Variants in MMRN1 observed in about 807,000 individuals in gnomAD.
The protein encoded by MMRN1 is multimerin-1.
In MMRN1, 94 loss-of-function variants were observed where a neutral mutation model predicts 100.7. That is an observed-to-expected ratio of 0.93 (90% confidence interval 0.79 to 1.11). The LOEUF is 1.11. MMRN1 is among the 50% of genes least tolerant of loss of function. MMRN1 has a pLI of 0.00. For missense variants in MMRN1, 1,606 were observed against 1,439.1 expected (o/e 1.12, Z -1.88); for synonymous variants, 575 against 505.0 (o/e 1.14, Z -1.86).
In MMRN1 at chr4:89,951,650, C is replaced by T. The variant is rs754049453; in HGVS notation, c.3164C>T (p.Thr1055Met). 3 of 1,562,844 alleles carry T rather than the reference C, an allele frequency of 1.9e-6. No homozygotes were observed. The highest frequency in any genetic ancestry group is 2.6e-6 in the Non-Finnish European group (3 of 1,160,016). Reference sequence around the variant, plus strand: ...CGGCATCCGTGCCAAAATGGGGGCACGTGCATAAATGGAAGAACTAGCTTT... The same window carrying T: ...CGGCATCCGTGCCAAAATGGGGGCATGTGCATAAATGGAAGAACTAGCTTT... The part of the protein sequence containing the change: ...CSRHPCQNGG[T>M]CINGRTSFTC... Residue 1055 changes from threonine to methionine, a missense_variant, in exon 7 of 8, where the codon ACG becomes ATG. By Grantham distance (81) the Thr-to-Met change is moderately conservative. Transcript: ENST00000264790.
chr4:89,910,009 G>A (rs563342123), intron 2 of MMRN1, among the ~76,000 whole-genome samples: 3 of 151,310 alleles, frequency 2.0e-5, no homozygotes, highest in South Asian at 2.1e-4. Context: ...CTCAGCTGGG[G>A]GTGTTTCCAA....
intron 6 of MMRN1, among the ~76,000 whole-genome samples, chr4:89,944,340 T>C (rs1299011287): frequency 6.6e-6 from 1 of 152,200 alleles, no homozygotes; most frequent in Non-Finnish European, 1.5e-5. Context: ...TTGCCAAGTT[T>C]CTCTTCAGAG....
rs73831839 is a variant in MMRN1 at position 89,898,599 on chromosome 4, C to T, written c.623+3005C>T. Among the ~76,000 whole-genome samples the T allele has an allele frequency of 7.2e-3, 1,101 of 151,932 alleles. 14 individuals carry two copies. Among genetic ancestry groups the T allele is most frequent in the African/African-American group, 0.025 (1,051 of 41,426 alleles). On this transcript the variant is annotated intron_variant, in intron 1 of 7. Coordinates refer to ENST00000264790, the MANE Select transcript of MMRN1 (RefSeq NM_007351.3). ...ACACGATGCCATCCTAGATCTGCCT[C>T]CTGCCTACCTCCCCAACCTCATCTT...
intron 3 of MMRN1, among the ~76,000 whole-genome samples, chr4:89,916,237 G>T (rs1721911915): frequency 6.6e-6 from 1 of 151,498 alleles, no homozygotes; most frequent in Non-Finnish European, 1.5e-5. Context: ...AACAGCCTTG[G>T]CAGGGACTCC....
intron 3 of MMRN1, among the ~76,000 whole-genome samples, chr4:89,920,032 G>A (rs1424097298): frequency 6.6e-6 from 1 of 152,048 alleles, no homozygotes; most frequent in East Asian, 1.9e-4. Context: ...CTGAAAAATA[G>A]TTTTCAGATG....
chr4:89,889,495 T>C (rs935996869), intron 1 of MMRN1, among the ~76,000 whole-genome samples: 1 of 152,108 alleles, frequency 6.6e-6, no homozygotes, highest in African/African-American at 2.4e-5. Flanking sequence ...TTCAGTTCCC[T>C]GCCAGCCCAC....
At chr4:89,882,327 A>T (rs1720838959) in intron 1 of MMRN1, among the ~76,000 whole-genome samples, 1 of 151,198 alleles carries the variant, frequency 6.6e-6, no homozygotes, top group African/African-American at 2.4e-5. Context: ...AATCTTAAGA[A>T]CAATACTGAA....
At chr4:89,882,076 A>T (rs909373004) in intron 1 of MMRN1, among the ~76,000 whole-genome samples, 17 of 151,784 alleles carry the variant, frequency 1.1e-4, no homozygotes, top group African/African-American at 4.1e-4. Flanking sequence ...TATCACAATC[A>T]CATTCACTAG....
In MMRN1 at chr4:89,953,026, C is replaced by A. The variant is rs140432017; in HGVS notation, c.3295C>A (p.Pro1099Thr). ...TTCCAAAGGATCTTACAGATATGCA[C>A]CCATGGTGGCATTTTTTGCATCTCA... is the stretch of plus-strand genomic sequence containing the variant. ...DFSKGSYRYA[P>T]MVAFFASHTY... The change falls in exon 8 of 8, where the codon CCC becomes ACC. Residue 1099 changes from proline to threonine, a missense_variant. Pro to Thr is a conservative substitution (Grantham distance 38). Coordinates refer to ENST00000264790, the MANE Select transcript of MMRN1 (RefSeq NM_007351.3). 3.1e-6 allele frequency: 5 copies of A among 1,611,018 alleles called. No homozygotes were observed. The highest frequency in any genetic ancestry group is 1.7e-5 in the Admixed American group (1 of 59,714).
chr4:89,931,986 CAA>C (rs1169941352), intron 5 of MMRN1, among the ~76,000 whole-genome samples: 1 of 152,156 alleles, frequency 6.6e-6, no homozygotes, highest in Admixed American at 6.5e-5. Context: ...AGCATTAACT[CAA>C]GAGTCCACAG....
chr4:89,939,853 A>C (rs931255020), intron 6 of MMRN1, among the ~76,000 whole-genome samples: 1 of 152,164 alleles, frequency 6.6e-6, no homozygotes, highest in South Asian at 2.1e-4. Context: ...CACATGAGGA[A>C]GTAGAGGTGC....
At chr4:89,880,882 A>G (rs1190405639) in intron 1 of MMRN1, among the ~76,000 whole-genome samples, 1 of 152,138 alleles carries the variant, frequency 6.6e-6, no homozygotes, top group Non-Finnish European at 1.5e-5. Context: ...CTTGATCCTC[A>G]TATTTCTTTC....
chr4:89,910,372 A>G (rs1721710464), intron 2 of MMRN1, among the ~76,000 whole-genome samples: 1 of 151,446 alleles, frequency 6.6e-6, no homozygotes, highest in Non-Finnish European at 1.5e-5. Flanking sequence ...GCCCTTCTGG[A>G]TTCAAGGTGA....
chr4:89,897,550 G>A (rs1721248609), intron 1 of MMRN1, among the ~76,000 whole-genome samples: 1 of 152,098 alleles, frequency 6.6e-6, no homozygotes, highest in Non-Finnish European at 1.5e-5. Context: ...ACAGAAAAAA[G>A]AGACAATTCA....
At chr4:89,893,251 C>T (rs1474494766), upstream of MMRN1, among the ~76,000 whole-genome samples, 2 of 152,004 alleles carry the variant, frequency 1.3e-5, no homozygotes, top group Admixed American at 1.3e-4. Context: ...GAAACGGATG[C>T]TTTTTACTCC....
At chr4:89,905,487 A>T (rs1721535114) in intron 1 of MMRN1, among the ~76,000 whole-genome samples, 1 of 151,564 alleles carries the variant, frequency 6.6e-6, no homozygotes, top group African/African-American at 2.4e-5. Context: ...GTCATTTTTA[A>T]GTACAAGGTA....
intron 1 of MMRN1, among the ~76,000 whole-genome samples, chr4:89,896,366 C>A (rs1721207640): frequency 6.6e-6 from 1 of 151,922 alleles, no homozygotes; most frequent in African/African-American, 2.4e-5. Flanking sequence ...AAAGTTAGAG[C>A]AATTTGAGTG....
intron 3 of MMRN1, among the ~76,000 whole-genome samples, chr4:89,913,026 A>G (rs1721805034): frequency 6.6e-6 from 1 of 151,304 alleles, no homozygotes; most frequent in Non-Finnish European, 1.5e-5. Context: ...TACTTCATTT[A>G]TAACCAGGTA....
intron 3 of MMRN1, among the ~76,000 whole-genome samples, chr4:89,919,449 A>G (rs1037244901): frequency 9.9e-5 from 15 of 151,716 alleles, no homozygotes; most frequent in Admixed American, 8.5e-4. Context: ...TTTTATTTCT[A>G]TATTATACAA....
Sources: allele counts gnomAD v4.1 joint callset (sites outside exome capture counted in the v4.1 genomes callset), GRCh38; gene constraint gnomAD v4.1.1; transcripts MANE v1.5; gene names NCBI Gene and HGNC (gene_info 2026-07-23, HGNC 2026-07-21).